USP24: variants seen among roughly 807,000 people sequenced by gnomAD.
USP24 encodes the protein ubiquitin specific peptidase 24, also known as ubiquitin carboxyl-terminal hydrolase 24.
A neutral mutation model predicts 361.6 loss-of-function variants in USP24; 97 were observed. The ratio of observed to expected loss-of-function variants is 0.27; its 90% CI spans 0.23 to 0.32. The LOEUF (loss-of-function observed/expected upper bound fraction) is 0.32. Among genes scored for constraint, USP24 ranks in the 10% least tolerant of loss-of-function variants. The pLI, the probability that USP24 is intolerant of heterozygous loss-of-function variation, is 1.00. For synonymous variants in USP24, 1,098 were observed against 1,124.6 expected, an observed-to-expected ratio of 0.98 and a Z score of 0.47; for missense variants, 2,353 against 3,165.6, an observed-to-expected ratio of 0.74 and a Z score of 6.16.
At chr1:55,071,648 G>A (rs1206073280) in intron 67 of USP24, among the ~76,000 whole-genome samples, 166 bp downstream of exon 67, 4 of 152,204 alleles carry the variant, frequency 2.6e-5, no homozygotes, top group Non-Finnish European at 5.9e-5. Flanking sequence ...GTAAACACAC[G>A]GTTAGTGCAT....
chr1:55,161,358 C>A (rs1206414570), intron 8 of USP24, among the ~76,000 whole-genome samples: 1 of 145,876 alleles, frequency 6.9e-6, no homozygotes, highest in South Asian at 2.1e-4. Context: ...GGCAACAGAG[C>A]GAGACTCTGT....
chr1:55,120,381 G>A (rs1278885553), intron 38 of USP24, among the ~76,000 whole-genome samples: 1 of 152,082 alleles, frequency 6.6e-6, no homozygotes. Context: ...TGAATCACAT[G>A]GGGTGAAGTG....
At chr1:55,167,198 G>T (rs1008753705) in intron 5 of USP24, among the ~76,000 whole-genome samples, 25 of 152,026 alleles carry the variant, frequency 1.6e-4, no homozygotes, top group African/African-American at 5.6e-4. Flanking sequence ...TAAGTCCCAC[G>T]AAAGGAAAAA....
intron 1 of USP24, among the ~76,000 whole-genome samples, chr1:55,183,080 A>G (rs2100843439): frequency 6.6e-6 from 1 of 152,320 alleles, no homozygotes; most frequent in East Asian, 1.9e-4. Flanking sequence ...CACCAAAGAC[A>G]AGTACACTAG....
chr1:55,158,751 A>G (rs928494457), intron 10 of USP24, 127 bp downstream of exon 10: 1 of 856,964 alleles, frequency 1.2e-6, no homozygotes, highest in Non-Finnish European at 1.6e-6. Context: ...ATACACAATC[A>G]TTCTCTTTTT....
chr1:55,162,814 T>C (rs1264170851), intron 7 of USP24, among the ~76,000 whole-genome samples: 1 of 152,162 alleles, frequency 6.6e-6, no homozygotes, highest in East Asian at 1.9e-4. Flanking sequence ...ACAGGTTGAC[T>C]ACACCCAGAA....
In USP24 at chr1:55,125,672, T is replaced by C; in HGVS notation, c.3722A>G (p.Gln1241Arg). The C allele has an allele frequency of 1.3e-6, 2 of 1,593,924 alleles. No individual in the cohort carries two copies. The highest frequency in any genetic ancestry group is 1.7e-6 in the Non-Finnish European group (2 of 1,169,184). The change falls in exon 33 of 68, where the codon CAG (glutamine) becomes CGG (arginine). Residue 1241 changes from glutamine to arginine, a missense_variant. Physicochemically the swap from Gln to Arg is conservative, Grantham distance 43. Around this residue, in one of 8 missense-constraint regions of USP24, gnomAD observed 949 missense variants for 1,280.5 expected, o/e 0.74. Transcript: ENST00000294383. ...CAATATATTTACATACCTTGCAAGC[T>C]GTAGACAGATGGAATAAACACCCTG... ...TRQGVYSICLQLARFLLVGQT... is the reference protein window; with the variant it reads ...TRQGVYSICLRLARFLLVGQT...
intron 1 of USP24, among the ~76,000 whole-genome samples, chr1:55,203,162 G>A (rs570237623): frequency 1.3e-5 from 2 of 152,058 alleles, no homozygotes; most frequent in Admixed American, 6.6e-5. Flanking sequence ...TGGGGTTCTC[G>A]GAATCCATCC....
intron 48 of USP24, 134 bp from the exon 49 acceptor site, chr1:55,097,306 T>C (rs747133619): frequency 1.4e-5 from 16 of 1,135,772 alleles, no homozygotes; most frequent in Admixed American, 5.5e-5. Flanking sequence ...AGTTCAAGTA[T>C]AAAATCTCAG....
chr1:55,112,266 T>C (rs1479851095), intron 38 of USP24, among the ~76,000 whole-genome samples: 1 of 152,238 alleles, frequency 6.6e-6, no homozygotes, highest in Non-Finnish European at 1.5e-5. Flanking sequence ...TTCGTGTCTC[T>C]ATCTTCTTCA....
At chr1:55,101,560 A>T in intron 43 of USP24, 24 bp downstream of exon 43, 1 of 1,589,278 alleles carries the variant, frequency 6.3e-7, no homozygotes, top group South Asian at 1.1e-5. Flanking sequence ...TATCGTACCA[A>T]AAAGGATAGA....
chr1:55,213,178 G>A (rs913623512), intron 1 of USP24, among the ~76,000 whole-genome samples: 1 of 152,172 alleles, frequency 6.6e-6, no homozygotes, highest in African/African-American at 2.4e-5. Context: ...AAAACTAGAA[G>A]GAACGAGGGA....
chr1:55,134,491 A>G, intron 28 of USP24, 78 bp from the exon 29 acceptor site: 3 of 1,281,676 alleles, frequency 2.3e-6, no homozygotes. Flanking sequence ...ACAAACAATA[A>G]AAATACTAGT....
rs376344946 is a variant in USP24 at position 55,079,841 on chromosome 1, TCA to T, written c.7079-184_7079-183del. On this transcript the variant is annotated intron_variant, in intron 59 of 67. Coordinates refer to ENST00000294383, the MANE Select transcript of USP24 (RefSeq NM_015306.3). ...CGCAGAGTACTTGCACACACAGTAC[TCA>T]CACACAGAGTACTCGTGCACACTGA... is the stretch of plus-strand genomic sequence containing the variant. Among the ~76,000 whole-genome samples, 100 of 151,392 alleles carry T rather than the reference TCA, an allele frequency of 6.6e-4. 2 individuals are homozygous for T. Among genetic ancestry groups the T allele is most frequent in the East Asian group, 4.7e-3 (24 of 5,154 alleles).
At chr1:55,137,395 AAC>A in intron 28 of USP24, 118 bp downstream of exon 28, 1 of 1,236,836 alleles carries the variant, frequency 8.1e-7, no homozygotes, top group African/African-American at 1.5e-5. Context: ...TGGAAGAAAT[AAC>A]ACAACAAGCT....
At chr1:55,137,144 C>G (rs1309710058) in intron 28 of USP24, among the ~76,000 whole-genome samples, 3 of 152,098 alleles carry the variant, frequency 2.0e-5, no homozygotes, top group Admixed American at 2.0e-4. Context: ...AAGAGTGTTC[C>G]AAGGGGGAAG....
In USP24 at chr1:55,097,059, G is replaced by A; in HGVS notation, c.5829C>T (p.Ser1943=). 3 of 1,613,804 alleles carry A rather than the reference G, an allele frequency of 1.9e-6. No individual in the cohort carries two copies. The highest frequency in any genetic ancestry group is 2.5e-6 in the Non-Finnish European group (3 of 1,179,848). The change falls in exon 49 of 68, where the codon TCC becomes TCT. Residue 1943 remains serine (S), a synonymous_variant. Coordinates refer to ENST00000294383, the MANE Select transcript of USP24 (RefSeq NM_015306.3). ...GRSVDQGGGG[S]PRKKVALTEN... is the part of the protein sequence containing the mutation. ...CTGTGAGGGCAACCTTTTTTCGTGG[G>A]GATCCTCCACCGCCCTGATCCACAC...
chr1:55,113,352 T>C (rs765096809), intron 38 of USP24, among the ~76,000 whole-genome samples: 5 of 152,154 alleles, frequency 3.3e-5, no homozygotes, highest in East Asian at 1.9e-4. Context: ...AATCCCTGAA[T>C]AGACCAATAA....
At chr1:55,190,661 G>C (rs1166323514) in intron 1 of USP24, among the ~76,000 whole-genome samples, 1 of 152,176 alleles carries the variant, frequency 6.6e-6, no homozygotes, top group Admixed American at 6.5e-5. Flanking sequence ...CATATTTATT[G>C]AGAGTGCTAT....
Sources: gnomAD v4.1 joint callset for allele counts (sites outside exome capture counted in the v4.1 genomes callset) on GRCh38, gnomAD v4.1.1 for gene constraint, gnomAD v4.1.1 regional missense constraint, MANE v1.5 for transcripts, NCBI Gene and HGNC (gene_info 2026-07-23, HGNC 2026-07-21) for gene names.